Variants in ATXN10 observed in about 807,000 individuals in gnomAD.
ATXN10 encodes ataxin 10, also known as ataxin-10.
ATXN10 carries 28 observed loss-of-function variants against 52.9 expected under a neutral mutation model. The ratio of observed to expected loss-of-function variants is 0.53; its 90% CI spans 0.39 to 0.73. The LOEUF (loss-of-function observed/expected upper bound fraction) is 0.73, where lower values mean the gene tolerates loss of function less well. Ranked by LOEUF, ATXN10 falls within the 30% of genes least tolerant of loss-of-function variation. The pLI, the probability that ATXN10 is intolerant of heterozygous loss-of-function variation, is 0.00. For missense variants in ATXN10, 565 were observed against 577.0 expected (o/e 0.98, Z 0.21); for synonymous variants, 226 against 221.5 (o/e 1.02, Z -0.18).
intron 10 of ATXN10, among the ~76,000 whole-genome samples, chr22:45,822,468 A>G (rs888202697): frequency 3.3e-5 from 5 of 151,612 alleles, no homozygotes; most frequent in Admixed American, 6.6e-5. Flanking sequence ...CAGACCTCGT[A>G]ATATTTGCCA....
chr22:45,703,465 C>T (rs976055826), intron 5 of ATXN10, among the ~76,000 whole-genome samples: 6 of 152,034 alleles, frequency 3.9e-5, no homozygotes, highest in African/African-American at 7.3e-5. Flanking sequence ...GGAAAATTTT[C>T]GCTGTTATTT....
rs1922741111 is a variant in ATXN10 at position 45,677,416 on chromosome 22, C to T, written c.116+5237C>T. The T allele has an allele frequency of 6.7e-6, 1 of 149,278 alleles. No homozygotes were observed. The allele number at this position is 149,278 out of a possible 1,614,324, so 9.2% of individuals were successfully genotyped here. On this transcript the variant is annotated intron_variant, in intron 1 of 11. Transcript: ENST00000252934. The surrounding 1 kb of genome is among the most constrained non-coding windows in gnomAD (Gnocchi z 4.1). The stretch of plus-strand genomic sequence containing the variant: ...AGTAATTTTTTTTTTCAGCTTCTAT[C>T]AGTATAGCTCATTTTTTCTCTTCAA...
Position 45,718,569 on chromosome 22 carries a change from G to A in ATXN10, c.728+76G>A. Reference sequence around the variant, plus strand: ...ATTCGATGCACGTGACTGAAAAGCTGTGTGGTTTCTGAGTTGGCACAGAAT... The same window carrying A: ...ATTCGATGCACGTGACTGAAAAGCTATGTGGTTTCTGAGTTGGCACAGAAT... On this transcript the variant is annotated intron_variant, in intron 6 of 11. Coordinates refer to ENST00000252934, the MANE Select transcript of ATXN10 (RefSeq NM_013236.4). The surrounding 1 kb of genome is among the most constrained non-coding windows in gnomAD (Gnocchi z 4.4). 2 of 1,303,010 alleles carry A rather than the reference G, an allele frequency of 1.5e-6. No homozygotes were observed. The highest frequency in any genetic ancestry group is 2.3e-5 in the East Asian group (1 of 43,400). 80.7% of individuals were successfully genotyped at this position (1,303,010 alleles called of 1,614,324 possible).
chr22:45,782,654 G>A (rs568372925), intron 9 of ATXN10, among the ~76,000 whole-genome samples: 2 of 152,254 alleles, frequency 1.3e-5, no homozygotes, highest in East Asian at 3.9e-4. Flanking sequence ...CTCTGGTGCT[G>A]GAATGTTCTT....
Position 45,833,907 on chromosome 22 carries a change from T to C in ATXN10, c.1238-9084T>C, listed in dbSNP as rs545897129. On this transcript the variant is annotated intron_variant, in intron 10 of 11. Coordinates refer to ENST00000252934, the MANE Select transcript of ATXN10 (RefSeq NM_013236.4). This position sits in a 1 kb window ranked among gnomAD's most constrained non-coding sequence, Gnocchi z 4.3. ...CGGATGCCAGAGCCTGACTGCCTACTTCCAAATCCACCTTGAACACATCCA... is the reference window on the plus strand; with the variant it reads ...CGGATGCCAGAGCCTGACTGCCTACCTCCAAATCCACCTTGAACACATCCA... 1.3e-5 allele frequency among the ~76,000 whole-genome samples: 2 copies of C among 152,300 alleles called. No individual in the cohort carries two copies. The highest frequency in any genetic ancestry group is 4.1e-4 in the South Asian group (2 of 4,822).
Position 45,766,411 on chromosome 22 carries a change from C to T in ATXN10, c.1173+25873C>T, listed in dbSNP as rs931835711. ...TGGAACAGTTTCATCCTGAAGTCTT[C>T]CCCGCAACCCCTCTTCCCCCGAGTC... On this transcript the variant is annotated intron_variant, in intron 9 of 11. Coordinates refer to ENST00000252934, the MANE Select transcript of ATXN10 (RefSeq NM_013236.4). This position sits in a 1 kb window ranked among gnomAD's most constrained non-coding sequence, Gnocchi z 4.6. Among the ~76,000 whole-genome samples the T allele has an allele frequency of 3.6e-4, 55 of 152,312 alleles. No individual in the cohort carries two copies. The highest frequency in any genetic ancestry group is 5.3e-4 in the Non-Finnish European group (36 of 68,020).
At position 45,835,767 on chromosome 22, in the gene ATXN10, A is replaced by G. The variant is rs1424693740; in HGVS notation, c.1238-7224A>G. On this transcript the variant is annotated intron_variant, in intron 10 of 11. Transcript: ENST00000252934. The surrounding 1 kb of genome is among the most constrained non-coding windows in gnomAD (Gnocchi z 5.0). Reference sequence around the variant, plus strand: ...TTTCTTATAGTGTGTATTAAATGCAAATCTTACTCTATATTCTTCAGATTG... The same window carrying G: ...TTTCTTATAGTGTGTATTAAATGCAGATCTTACTCTATATTCTTCAGATTG... 6.6e-6 allele frequency among the ~76,000 whole-genome samples: 1 copy of G among 152,180 alleles called. No homozygotes were observed. The highest frequency in any genetic ancestry group is 1.5e-5 in the Non-Finnish European group (1 of 68,038).
In ATXN10 at chr22:45,769,437, G is replaced by C. The variant is rs886603709; in HGVS notation, c.1173+28899G>C. On this transcript the variant is annotated intron_variant, in intron 9 of 11. Coordinates refer to ENST00000252934, the MANE Select transcript of ATXN10 (RefSeq NM_013236.4). This position sits in a 1 kb window ranked among gnomAD's most constrained non-coding sequence, Gnocchi z 4.2. Reference sequence around the variant, plus strand: ...AATCCTGCCCGATGAGGGCACAGAAGGCCCCCAATGCCACAGTATAGGGGG... The same window carrying C: ...AATCCTGCCCGATGAGGGCACAGAACGCCCCCAATGCCACAGTATAGGGGG... Among the ~76,000 whole-genome samples, 1 of 152,032 alleles carries C rather than the reference G, an allele frequency of 6.6e-6. No homozygotes were observed. The highest frequency in any genetic ancestry group is 1.5e-5 in the Non-Finnish European group (1 of 68,010).
chr22:45,744,289 A>G lies in ATXN10; in HGVS notation c.1173+3751A>G, dbSNP rs1925646756. ...GCCTGATTCCTCTGAATTTTGAGCAAGACTCTTTCAAGCCCAACTGTGTCT... is the reference window on the plus strand; with the variant it reads ...GCCTGATTCCTCTGAATTTTGAGCAGGACTCTTTCAAGCCCAACTGTGTCT... On this transcript the variant is annotated intron_variant, in intron 9 of 11. Coordinates refer to ENST00000252934, the MANE Select transcript of ATXN10 (RefSeq NM_013236.4). This position sits in a 1 kb window ranked among gnomAD's most constrained non-coding sequence, Gnocchi z 4.9. The G allele has an allele frequency of 6.6e-6, 1 of 152,210 alleles. No individual in the cohort carries two copies. The highest frequency in any genetic ancestry group is 2.4e-5 in the African/African-American group (1 of 41,444). 9.4% of individuals were successfully genotyped at this position (152,210 alleles called of 1,614,324 possible).
At chr22:45,723,199 T>TA (rs1924728337) in intron 6 of ATXN10, among the ~76,000 whole-genome samples, 1 of 152,028 alleles carries the variant, frequency 6.6e-6, no homozygotes, top group Non-Finnish European at 1.5e-5. Flanking sequence ...CCACTTATGA[T>TA]AGAGATATAT....
At chr22:45,764,683 A>G (rs1252308388) in intron 9 of ATXN10, among the ~76,000 whole-genome samples, 1 of 152,226 alleles carries the variant, frequency 6.6e-6, no homozygotes, top group African/African-American at 2.4e-5. Flanking sequence ...CAAAGAATTT[A>G]TTCAGAACGG....
At chr22:45,713,144 G>A (rs755979305) in intron 5 of ATXN10, among the ~76,000 whole-genome samples, 3 of 152,050 alleles carry the variant, frequency 2.0e-5, no homozygotes, top group Non-Finnish European at 2.9e-5. Context: ...CTGGTGAGGA[G>A]TTCGCCTTTC....
rs1229457526 is a variant in ATXN10 at position 45,784,691 on chromosome 22, A to G, written c.1174-22268A>G. 6.6e-6 allele frequency among the ~76,000 whole-genome samples: 1 copy of G among 152,158 alleles called. No individual in the cohort carries two copies. Among genetic ancestry groups the G allele is most frequent in the Non-Finnish European group, 1.5e-5 (1 of 68,022 alleles). Reference sequence around the variant, plus strand: ...TTAGAGCAGGGCCCAAATTGACCTCATGGCTATTCTTACACATTCCAGATA... The same window carrying G: ...TTAGAGCAGGGCCCAAATTGACCTCGTGGCTATTCTTACACATTCCAGATA... On this transcript the variant is annotated intron_variant, in intron 9 of 11. Transcript: ENST00000252934. This position sits in a 1 kb window ranked among gnomAD's most constrained non-coding sequence, Gnocchi z 4.2.
chr22:45,773,147 G>A (rs775603532), intron 9 of ATXN10, among the ~76,000 whole-genome samples: 4 of 152,130 alleles, frequency 2.6e-5, no homozygotes, highest in South Asian at 2.1e-4. Context: ...CTGGTTGTTC[G>A]TCTCGCATGT....
chr22:45,747,343 A>G (rs1253281705), intron 9 of ATXN10, among the ~76,000 whole-genome samples: 1 of 152,094 alleles, frequency 6.6e-6, no homozygotes, highest in Non-Finnish European at 1.5e-5. Flanking sequence ...ATCCCTACAA[A>G]ATATTTAAAA....
rs961964054 is a variant in ATXN10, at chr22:45,824,896, A to G, written c.1237+17874A>G. 1.3e-5 allele frequency among the ~76,000 whole-genome samples: 2 copies of G among 152,234 alleles called. No homozygotes were observed. The highest frequency in any genetic ancestry group is 2.4e-5 in the African/African-American group (1 of 41,458). The stretch of plus-strand genomic sequence containing the variant: ...GGGTAGGAGGTCCCAGGAATCTCCT[A>G]GACAACATTTGTACTGAATCTGATG... On this transcript the variant is annotated intron_variant, in intron 10 of 11. Transcript: ENST00000252934. The surrounding 1 kb of genome is among the most constrained non-coding windows in gnomAD (Gnocchi z 5.2).
chr22:45,706,103 C>G (rs138145), intron 5 of ATXN10, among the ~76,000 whole-genome samples: 1,533 of 152,298 alleles, frequency 0.01, 18 homozygotes, highest in African/African-American at 0.034. Flanking sequence ...ACCGTCCCCC[C>G]ACCCCTGTCT....
chr22:45,731,564 G>A (rs1362458777), intron 7 of ATXN10, among the ~76,000 whole-genome samples: 1 of 152,142 alleles, frequency 6.6e-6, no homozygotes. Flanking sequence ...ATTGATGCTG[G>A]AATCACTGTT....
chr22:45,692,822 TA>T (rs1266965259), intron 2 of ATXN10, among the ~76,000 whole-genome samples, 173 bp from the exon 3 acceptor site: 1 of 152,224 alleles, frequency 6.6e-6, no homozygotes, highest in Non-Finnish European at 1.5e-5. Flanking sequence ...CATGTAAATA[TA>T]ACCTCTACTG....
Sources: gnomAD v4.1 joint callset for allele counts (sites outside exome capture counted in the v4.1 genomes callset) on GRCh38, gnomAD v4.1.1 for gene constraint, Gnocchi (gnomAD v3.1) non-coding constraint, MANE v1.5 for transcripts, NCBI Gene and HGNC (gene_info 2026-07-23, HGNC 2026-07-21) for gene names.